Variants in SEPTIN9 observed in about 807,000 individuals in gnomAD.
SEPTIN9 encodes the protein septin 9.
In SEPTIN9, 13 loss-of-function variants were observed where a neutral mutation model predicts 56.6. The ratio of observed to expected loss-of-function variants is 0.23; its 90% CI spans 0.15 to 0.37. SEPTIN9 has a LOEUF of 0.37. Among genes scored for constraint, SEPTIN9 ranks in the 10% least tolerant of loss-of-function variants. The probability of loss-of-function intolerance (pLI) is 1.00; values close to 1 mark genes in which losing one functional copy is unlikely to be tolerated. For synonymous variants in SEPTIN9, 332 were observed against 334.1 expected, an observed-to-expected ratio of 0.99 and a Z score of 0.07; for missense variants, 650 against 823.1, an observed-to-expected ratio of 0.79 and a Z score of 2.57.
At chr17:77,464,483 TC>T (rs1223963626) in intron 3 of SEPTIN9, among the ~76,000 whole-genome samples, 2 of 152,078 alleles carry the variant, frequency 1.3e-5, no homozygotes, top group Non-Finnish European at 2.9e-5. Flanking sequence ...AGCTGAACTT[TC>T]TAAAAGGTAA....
At chr17:77,426,020 G>A (rs946184234) in intron 3 of SEPTIN9, among the ~76,000 whole-genome samples, 1 of 152,088 alleles carries the variant, frequency 6.6e-6, no homozygotes, top group Non-Finnish European at 1.5e-5. Flanking sequence ...GGTCAGGATG[G>A]CCAGAGGGTC....
chr17:77,423,324 C>T (rs775253094), intron 3 of SEPTIN9, among the ~76,000 whole-genome samples: 6 of 152,266 alleles, frequency 3.9e-5, no homozygotes, highest in African/African-American at 7.2e-5. Context: ...GCGTGAGCCA[C>T]TGCGCCCGGC....
At chr17:77,307,577 A>G (rs556381226) in intron 2 of SEPTIN9, among the ~76,000 whole-genome samples, 7 of 152,166 alleles carry the variant, frequency 4.6e-5, no homozygotes, top group African/African-American at 1.7e-4. Context: ...TTGGTTCAGT[A>G]TCTGTGGGCT....
At chr17:77,307,690 C>G (rs1191994306) in intron 2 of SEPTIN9, among the ~76,000 whole-genome samples, 3 of 152,162 alleles carry the variant, frequency 2.0e-5, no homozygotes, top group Admixed American at 2.0e-4. Flanking sequence ...CACTGTGCTA[C>G]TCCTTGTGCT....
At chr17:77,387,785 G>T (rs550916931) in intron 2 of SEPTIN9, among the ~76,000 whole-genome samples, 1 of 152,114 alleles carries the variant, frequency 6.6e-6, no homozygotes, top group South Asian at 2.1e-4. Context: ...GTGTGTGAAC[G>T]GGGCTGGGAG....
chr17:77,482,453 A>C, intron 4 of SEPTIN9, 118 bp downstream of exon 4: 1 of 1,012,800 alleles, frequency 9.9e-7, no homozygotes, highest in Non-Finnish European at 1.5e-6. Flanking sequence ...AGCAACCCTG[A>C]CCTCAAGGAC....
chr17:77,415,132 A>C (rs1048719287), intron 3 of SEPTIN9, among the ~76,000 whole-genome samples: 7 of 151,970 alleles, frequency 4.6e-5, no homozygotes, highest in Admixed American at 3.9e-4. Context: ...GTCACCACCC[A>C]CTAGATCGTT....
intron 3 of SEPTIN9, among the ~76,000 whole-genome samples, chr17:77,406,960 G>A (rs114817811): frequency 0.022 from 3,304 of 152,110 alleles, 124 homozygotes; most frequent in African/African-American, 0.076. Flanking sequence ...TCATGCCACC[G>A]TGCCCAGCCT....
At chr17:77,387,887 A>AC (rs2035393176) in intron 2 of SEPTIN9, among the ~76,000 whole-genome samples, 2 of 125,674 alleles carry the variant, frequency 1.6e-5, no homozygotes, top group Admixed American at 8.4e-5. Context: ...CTCCACCCCC[A>AC]CCTCCCCCTT....
At chr17:77,468,247 A>C (rs1401064769) in intron 3 of SEPTIN9, among the ~76,000 whole-genome samples, 1 of 152,200 alleles carries the variant, frequency 6.6e-6, no homozygotes, top group African/African-American at 2.4e-5. Flanking sequence ...CCTGGGCGAC[A>C]GAGTGAGACT....
intron 2 of SEPTIN9, among the ~76,000 whole-genome samples, chr17:77,378,099 G>C (rs1159779241): frequency 1.3e-5 from 2 of 152,210 alleles, no homozygotes. Flanking sequence ...CAGCGGGGCT[G>C]TGGGTTCTCT....
At position 77,319,944 on chromosome 17, in the gene SEPTIN9, G is replaced by A. The variant is rs2032844795; in HGVS notation, c.76+12747G>A. 3.5e-6 allele frequency: 4 copies of A among 1,157,982 alleles called. No individual in the cohort carries two copies. The highest frequency in any genetic ancestry group is 3.2e-6 in the Non-Finnish European group (3 of 936,386). 71.7% of individuals were successfully genotyped at this position (1,157,982 alleles called of 1,614,324 possible). ...CGCACTCGGGACCTCTGCAGCCACC[G>A]ACCAGACCGGGCGGCCGGGACTCTG... On this transcript the variant is annotated intron_variant, in intron 2 of 11. Coordinates refer to ENST00000427177, the MANE Select transcript of SEPTIN9 (RefSeq NM_001113491.2). The surrounding 1 kb of genome is among the most constrained non-coding windows in gnomAD (Gnocchi z 5.3).
intron 3 of SEPTIN9, among the ~76,000 whole-genome samples, chr17:77,464,044 T>C (rs2144517092): frequency 6.6e-6 from 1 of 151,760 alleles, no homozygotes; most frequent in South Asian, 2.1e-4. Context: ...TAGAAATAAC[T>C]GCAGGAACAA....
intron 2 of SEPTIN9, among the ~76,000 whole-genome samples, chr17:77,346,231 A>G (rs998031513): frequency 2.2e-5 from 3 of 138,410 alleles, no homozygotes; most frequent in African/African-American, 2.7e-5. Flanking sequence ...CGTGAGCTAC[A>G]CTGCACCTGG....
intron 2 of SEPTIN9, among the ~76,000 whole-genome samples, chr17:77,392,648 G>GGACT (rs2035582099): frequency 6.6e-6 from 1 of 152,100 alleles, no homozygotes; most frequent in Non-Finnish European, 1.5e-5. Context: ...GAGGGGGAGG[G>GGACT]GACTGGGAAA....
Position 77,319,132 on chromosome 17 carries a change from C to T in SEPTIN9, c.76+11935C>T, listed in dbSNP as rs1191925446. Among the ~76,000 whole-genome samples the T allele has an allele frequency of 6.6e-6, 1 of 152,210 alleles. No individual in the cohort carries two copies. The highest frequency in any genetic ancestry group is 1.5e-5 in the Non-Finnish European group (1 of 68,038). On this transcript the variant is annotated intron_variant, in intron 2 of 11. Coordinates refer to ENST00000427177, the MANE Select transcript of SEPTIN9 (RefSeq NM_001113491.2). This position sits in a 1 kb window ranked among gnomAD's most constrained non-coding sequence, Gnocchi z 5.3. ...CAAACACACATTCTCTTTAAACAGG[C>T]TTGGGCCAACAGAACCAGCCTCCGT...
intron 4 of SEPTIN9, among the ~76,000 whole-genome samples, chr17:77,485,729 T>G (rs1487757402): frequency 6.6e-6 from 1 of 152,050 alleles, no homozygotes; most frequent in Non-Finnish European, 1.5e-5. Flanking sequence ...CTTGGGCTAC[T>G]AAACAGTTCA....
Position 77,485,000 on chromosome 17 carries a change from A to T in SEPTIN9, c.914-2424A>T, listed in dbSNP as rs1568112339. Among the ~76,000 whole-genome samples the T allele has an allele frequency of 9.6e-3, 12 of 1,246 alleles. 1 individual carries two copies. The allele number at this position is 1,246 out of a possible 152,430, so 0.8% of individuals were successfully genotyped here. The stretch of plus-strand genomic sequence containing the variant: ...GATGGTGGTGATTGTGATGGTGGTG[A>T]AGGGGGTGATGGTGGTGATTGTGAT... On this transcript the variant is annotated intron_variant, in intron 4 of 11. Coordinates refer to ENST00000427177, the MANE Select transcript of SEPTIN9 (RefSeq NM_001113491.2).
chr17:77,286,408 C>CT (rs2031282194), intron 1 of SEPTIN9: 1 of 152,496 alleles, frequency 6.6e-6, no homozygotes, highest in African/African-American at 2.4e-5. Flanking sequence ...CTGGAACCAC[C>CT]CCCCACAAGT....
Sources: allele counts gnomAD v4.1 joint callset (sites outside exome capture counted in the v4.1 genomes callset), GRCh38; gene constraint gnomAD v4.1.1; non-coding constraint Gnocchi (gnomAD v3.1); transcripts MANE v1.5; gene names NCBI Gene and HGNC (gene_info 2026-07-23, HGNC 2026-07-21).